The following GNAL variants were observed in gnomAD, a reference collection of about 807,000 sequenced individuals.
GNAL encodes guanine nucleotide-binding protein G(olf) subunit alpha.
In GNAL, 18 loss-of-function variants were observed where a neutral mutation model predicts 55.1. The ratio of observed to expected loss-of-function variants is 0.33; its 90% confidence interval spans 0.23 to 0.48. GNAL has a LOEUF of 0.48. GNAL is among the 20% of genes least tolerant of loss of function. The probability of loss-of-function intolerance (pLI) is 0.99; values close to 1 mark genes in which losing one functional copy is unlikely to be tolerated. For missense variants in GNAL, 412 were observed against 614.1 expected (o/e 0.67, Z 3.48); for synonymous variants, 253 against 237.0 (o/e 1.07, Z -0.62).
At chr18:11,880,568 C>T (rs2036655433) in intron 11 of GNAL, among the ~76,000 whole-genome samples, 1 of 152,076 alleles carries the variant, frequency 6.6e-6, no homozygotes, top group African/African-American at 2.4e-5. Flanking sequence ...GAGCTAGACT[C>T]AGTCTCAAAA....
At chr18:11,805,431 C>CT (rs2034633932) in intron 4 of GNAL, among the ~76,000 whole-genome samples, 1 of 152,092 alleles carries the variant, frequency 6.6e-6, no homozygotes, top group Non-Finnish European at 1.5e-5. Context: ...GTGGTGAAGT[C>CT]TGAGTTTTTA....
At chr18:11,748,217 G>GT (rs1414166744) in intron 1 of GNAL, among the ~76,000 whole-genome samples, 7 of 152,056 alleles carry the variant, frequency 4.6e-5, no homozygotes, top group African/African-American at 1.7e-4. Context: ...TCGTCACTGT[G>GT]TAAGGAAAGT....
intron 4 of GNAL, among the ~76,000 whole-genome samples, chr18:11,802,748 C>T (rs902343997): frequency 6.6e-6 from 1 of 152,144 alleles, no homozygotes; most frequent in Non-Finnish European, 1.5e-5. Flanking sequence ...ATGGCTGATG[C>T]GTGGGTGGGA....
In GNAL at chr18:11,862,426, G is replaced by A; in HGVS notation, c.754G>A (p.Val252Ile). The A allele has an allele frequency of 6.2e-7, 1 of 1,613,596 alleles. No individual in the cohort carries two copies. Among genetic ancestry groups the A allele is most frequent in the Non-Finnish European group, 8.5e-7 (1 of 1,179,540 alleles). ...FLERIDSVSLVDYTPTDQDLL... is the reference protein window; with the variant it reads ...FLERIDSVSLIDYTPTDQDLL... ...GGAAAGAATCGACAGCGTCAGCTTG[G>A]TTGACTACACACCCACAGACCAGGT... is the stretch of plus-strand genomic sequence containing the variant. Residue 252 changes from valine to isoleucine, a missense_variant, in exon 6 of 12, where the codon GTT becomes ATT. Coordinates refer to ENST00000334049, the MANE Select transcript of GNAL (RefSeq NM_182978.4).
intron 4 of GNAL, among the ~76,000 whole-genome samples, chr18:11,815,987 A>C (rs79200479): frequency 0.043 from 6,593 of 152,324 alleles, 167 homozygotes; most frequent in South Asian, 0.087. Context: ...AGCACTGGTG[A>C]GGATGTGCAA....
Position 11,840,940 on chromosome 18 carries a change from C to T in GNAL, c.722+15925C>T, listed in dbSNP as rs148891831. ...CCCAGACTGGAGTCAGTGCTACGATCACAGCTCACTGCGGCCTGGACCTCC... is the reference window on the plus strand; with the variant it reads ...CCCAGACTGGAGTCAGTGCTACGATTACAGCTCACTGCGGCCTGGACCTCC... On this transcript the variant is annotated intron_variant, in intron 5 of 11. Coordinates refer to ENST00000334049, the MANE Select transcript of GNAL (RefSeq NM_182978.4). Among the ~76,000 whole-genome samples the T allele has an allele frequency of 1.9e-3, 282 of 149,580 alleles. 2 individuals carry two copies. Among genetic ancestry groups the T allele is most frequent in the African/African-American group, 6.7e-3 (269 of 40,424 alleles).
intron 1 of GNAL, among the ~76,000 whole-genome samples, chr18:11,704,177 C>T (rs1469975325): frequency 6.6e-6 from 1 of 152,224 alleles, no homozygotes; most frequent in African/African-American, 2.4e-5. Flanking sequence ...GAGTCACAGC[C>T]TTCTGCACTC....
At chr18:11,834,755 C>G (rs75722268) in intron 5 of GNAL, among the ~76,000 whole-genome samples, 1 of 152,168 alleles carries the variant, frequency 6.6e-6, no homozygotes, top group African/African-American at 2.4e-5. Flanking sequence ...AAGTTGAATT[C>G]TTAACAGTCT....
intron 1 of GNAL, among the ~76,000 whole-genome samples, chr18:11,734,420 C>T (rs1001044915): frequency 1.3e-5 from 2 of 151,984 alleles, no homozygotes; most frequent in Non-Finnish European, 2.9e-5. Flanking sequence ...GGATTACAGG[C>T]GTGACCCACC....
intron 1 of GNAL, among the ~76,000 whole-genome samples, chr18:11,705,656 G>A (rs2031690195): frequency 6.6e-6 from 1 of 151,828 alleles, no homozygotes; most frequent in African/African-American, 2.4e-5. Flanking sequence ...ATCCTAACAG[G>A]TGTGAGGTGA....
At chr18:11,838,979 A>G (rs377762030) in intron 5 of GNAL, among the ~76,000 whole-genome samples, 83 of 152,176 alleles carry the variant, frequency 5.5e-4, no homozygotes, top group African/African-American at 2.0e-3. Context: ...ACACAGTAAC[A>G]TATAAATATG....
intron 1 of GNAL, among the ~76,000 whole-genome samples, chr18:11,701,619 G>A (rs1374200356): frequency 2.0e-5 from 3 of 150,884 alleles, no homozygotes; most frequent in Admixed American, 6.6e-5. Context: ...CAAACTATGA[G>A]CAGAAGCAGC....
At chr18:11,834,079 A>C (rs1377613126) in intron 5 of GNAL, among the ~76,000 whole-genome samples, 1 of 152,234 alleles carries the variant, frequency 6.6e-6, no homozygotes. Flanking sequence ...GTGGTATTTT[A>C]TTAAAATAAA....
chr18:11,700,282 T>G (rs563162744), intron 1 of GNAL, among the ~76,000 whole-genome samples: 1 of 152,310 alleles, frequency 6.6e-6, no homozygotes, highest in Non-Finnish European at 1.5e-5. Context: ...TAAAAAAGCA[T>G]CATTTAAAGA....
chr18:11,755,342 C>A (rs772107189), intron 4 of GNAL, among the ~76,000 whole-genome samples: 2 of 152,080 alleles, frequency 1.3e-5, no homozygotes, highest in South Asian at 2.1e-4. Context: ...TGCAGTGGCG[C>A]GGCTCACTGA....
intron 4 of GNAL, among the ~76,000 whole-genome samples, chr18:11,772,444 G>GTTTGCC (rs1335155133): frequency 6.6e-6 from 1 of 152,194 alleles, no homozygotes; most frequent in Non-Finnish European, 1.5e-5. Flanking sequence ...TTTGCCCCCA[G>GTTTGCC]TGCCGTCCTG....
At chr18:11,878,270 C>G (rs1419193824) in intron 11 of GNAL, among the ~76,000 whole-genome samples, 1 of 152,104 alleles carries the variant, frequency 6.6e-6, no homozygotes, top group Non-Finnish European at 1.5e-5. Flanking sequence ...GACAACATAT[C>G]GAGACCTCAT....
chr18:11,832,757 G>A (rs1225213035), intron 5 of GNAL, among the ~76,000 whole-genome samples: 1 of 151,900 alleles, frequency 6.6e-6, no homozygotes, highest in Non-Finnish European at 1.5e-5. Context: ...CTACTCGGGA[G>A]GCTGAGGCAG....
chr18:11,834,871 G>T (rs1402925636), intron 5 of GNAL, among the ~76,000 whole-genome samples: 1 of 152,214 alleles, frequency 6.6e-6, no homozygotes, highest in Admixed American at 6.5e-5. Context: ...CATGGCAGTT[G>T]CTCTGTGAGG....
Sources: gnomAD v4.1 joint callset for allele counts (sites outside exome capture counted in the v4.1 genomes callset) on GRCh38, gnomAD v4.1.1 for gene constraint, MANE v1.5 for transcripts, NCBI Gene and HGNC (gene_info 2026-07-23, HGNC 2026-07-21) for gene names.